CCNT1: variants seen among roughly 807,000 people sequenced by gnomAD.
CCNT1 encodes the protein cyclin T1.
CCNT1 carries 18 observed loss-of-function variants against 67.3 expected under a neutral mutation model. The observed-to-expected ratio is 0.27, with a 90% CI of 0.18 to 0.40. The LOEUF (loss-of-function observed/expected upper bound fraction) is 0.40. Ranked by LOEUF, CCNT1 falls within the 10% of genes least tolerant of loss-of-function variation. The pLI is 1.00. For missense variants in CCNT1, 744 were observed against 884.9 expected, an observed-to-expected ratio of 0.84 and a Z score of 2.02; for synonymous variants, 333 against 310.3, an observed-to-expected ratio of 1.07 and a Z score of -0.77.
Position 48,714,561 on chromosome 12 carries a change from T to A in CCNT1, c.162-37A>T, listed in dbSNP as rs754737958. ...AAGTTAAGATCCAAAAACAGGCAGG[T>A]ATAATTCTGGAAAAGATAACCTCTA... On this transcript the variant is annotated intron_variant, in intron 1 of 8. Transcript: ENST00000261900. The A allele has an allele frequency of 2.2e-5, 30 of 1,366,594 alleles. No homozygotes were observed. The African/African-American group carries it at 4.1e-4, about 19-fold the overall frequency. 84.7% of individuals were successfully genotyped at this position (1,366,594 alleles called of 1,614,324 possible). A position where few individuals can be genotyped will look rare whatever the true frequency, so the allele number is the denominator to read the frequency against.
chr12:48,716,119 T>C (rs1041841586), intron 1 of CCNT1, among the ~76,000 whole-genome samples: 1 of 152,206 alleles, frequency 6.6e-6, no homozygotes, highest in Non-Finnish European at 1.5e-5. Flanking sequence ...TTTCTCGAAA[T>C]TTACACACTA....
At chr12:48,696,510 T>C (rs1324925832) in intron 6 of CCNT1, among the ~76,000 whole-genome samples, 1 of 151,942 alleles carries the variant, frequency 6.6e-6, no homozygotes, top group Non-Finnish European at 1.5e-5. Flanking sequence ...AGCCTAGAAG[T>C]CAATATTTAT....
chr12:48,695,206 C>T (rs1017932972), intron 8 of CCNT1, among the ~76,000 whole-genome samples: 2 of 152,130 alleles, frequency 1.3e-5, no homozygotes, highest in African/African-American at 2.4e-5. Context: ...ATGAAATTAA[C>T]TTTTTCTGTC....
chr12:48,699,976 G>C (rs1231252225), intron 4 of CCNT1, 136 bp from the exon 5 acceptor site: 1 of 571,180 alleles, frequency 1.8e-6, no homozygotes, highest in Admixed American at 3.1e-5. Flanking sequence ...TATTCCACCA[G>C]AAAAACATCA....
At position 48,715,748 on chromosome 12, in the gene CCNT1, C is replaced by G. The variant is rs527810437; in HGVS notation, c.161+767G>C. Among the ~76,000 whole-genome samples the G allele has an allele frequency of 7.9e-5, 12 of 152,330 alleles. No homozygotes were observed. The South Asian group carries it at 2.5e-3, about 32-fold the overall frequency. Reference sequence around the variant, plus strand: ...AAAGTGCAGAGATTACAGGCGTGAGCCACCGCATCCAGCCGTTACCTCATT... The same window carrying G: ...AAAGTGCAGAGATTACAGGCGTGAGGCACCGCATCCAGCCGTTACCTCATT... On this transcript the variant is annotated intron_variant, in intron 1 of 8. Coordinates refer to ENST00000261900, the MANE Select transcript of CCNT1 (RefSeq NM_001240.4).
Position 48,698,140 on chromosome 12 carries a change from G to A in CCNT1, c.540C>T (p.Asn180=), listed in dbSNP as rs1207610048. ...GAAAAAAAAATTAAAATATAAACCT[G>A]TTGGTTGCCATGAAGTAAGAAGTCT... is the stretch of plus-strand genomic sequence containing the variant. The part of the protein sequence containing the change: ...LAQTSYFMAT[N]SLHLTTFSLQ... Residue 180 remains asparagine (N), a splice_region_variant and synonymous_variant, in exon 6 of 9, where the codon AAC becomes AAT. Transcript: ENST00000261900. The A allele has an allele frequency of 6.6e-7, 1 of 1,504,058 alleles. No homozygotes were observed. Among genetic ancestry groups the A allele is most frequent in the East Asian group, 2.5e-5 (1 of 39,308 alleles). 93.2% of individuals were successfully genotyped at this position (1,504,058 alleles called of 1,614,324 possible).
At chr12:48,711,073 TA>T (rs758713119) in intron 2 of CCNT1, among the ~76,000 whole-genome samples, 1 of 149,678 alleles carries the variant, frequency 6.7e-6, no homozygotes, top group South Asian at 2.1e-4. Flanking sequence ...CTCAAAAAAA[TA>T]AAAAAAGATA....
rs1284416847 is a variant in CCNT1 at position 48,693,493 on chromosome 12, C to T, written c.1721G>A (p.Arg574Lys). ...CCCTCCAGTCTCTTCAGAGGGTCCC[C>T]TTTTACGAGTAGAACTGGAAGAGGA... is the stretch of plus-strand genomic sequence containing the variant. ...SFSSSSSTRK[R>K]GPSEETGGAV... The change falls in exon 9 of 9, where the codon AGG (arginine) becomes AAG (lysine). Residue 574 changes from arginine (R) to lysine (K), a missense_variant. Arg to Lys is a conservative substitution (Grantham distance 26). Coordinates refer to ENST00000261900, the MANE Select transcript of CCNT1 (RefSeq NM_001240.4). The T allele has an allele frequency of 1.9e-6, 3 of 1,614,078 alleles. No homozygotes were observed. Among genetic ancestry groups the T allele is most frequent in the African/African-American group, 2.7e-5 (2 of 74,932 alleles).
rs1281111062 is a variant in CCNT1 at position 48,696,147 on chromosome 12, T to C, written c.558A>G (p.Thr186=). Residue 186 remains threonine (T), a synonymous_variant, in exon 7 of 9, where the codon ACA becomes ACG. Coordinates refer to ENST00000261900, the MANE Select transcript of CCNT1 (RefSeq NM_001240.4). ...CAGGAGGTGTGTACTGCAGGCTAAA[T>C]GTGGTCAAATGCAGGCTGACATCAG... ...FMATNSLHLT[T]FSLQYTPPVV... is the part of the protein sequence containing the mutation. 4 of 1,603,014 alleles carry C rather than the reference T, an allele frequency of 2.5e-6. No homozygotes were observed. The African/African-American group carries it at 5.6e-5, about 22-fold the overall frequency.
At position 48,694,244 on chromosome 12, in the gene CCNT1, T is replaced by A. The variant is rs757605829; in HGVS notation, c.970A>T (p.Thr324Ser). ...PVSEESSSNLTSVEMLPGKRW... is the reference protein window; with the variant it reads ...PVSEESSSNLSSVEMLPGKRW... ...TTGCCCGGCAACATCTCCACACTGG[T>A]TAAGTTGCTGGATGACTCTTCGGAG... Residue 324 changes from threonine to serine, a missense_variant, in exon 9 of 9, where the codon ACC (threonine) becomes TCC (serine). Coordinates refer to ENST00000261900, the MANE Select transcript of CCNT1 (RefSeq NM_001240.4). 11 of 1,614,186 alleles carry A rather than the reference T, an allele frequency of 6.8e-6. No individual in the cohort carries two copies. Among genetic ancestry groups the A allele is most frequent in the Non-Finnish European group, 8.5e-6 (10 of 1,180,028 alleles).
Position 48,691,344 on chromosome 12 carries a change from T to C in CCNT1, c.*1689A>G, listed in dbSNP as rs1592115841. ...CTCCCTATGACTTCCAAATGAAAAATAATTCGACCTCTCCCTAAAAAATCC... is the reference window on the plus strand; with the variant it reads ...CTCCCTATGACTTCCAAATGAAAAACAATTCGACCTCTCCCTAAAAAATCC... On this transcript the variant is annotated 3_prime_UTR_variant, in exon 9 of 9. Transcript: ENST00000261900. 6.6e-6 allele frequency: 1 copy of C among 152,180 alleles called. No homozygotes were observed. The highest frequency in any genetic ancestry group is 1.9e-4 in the East Asian group (1 of 5,184). The allele number at this position is 152,180 out of a possible 1,614,324, so 9.4% of individuals were successfully genotyped here. A position where few individuals can be genotyped will look rare whatever the true frequency, so the allele number is the denominator to read the frequency against.
chr12:48,715,591 G>A (rs1448008717), intron 1 of CCNT1, among the ~76,000 whole-genome samples: 1 of 151,874 alleles, frequency 6.6e-6, no homozygotes, highest in African/African-American at 2.4e-5. Flanking sequence ...CTCCTGACTA[G>A]CTGGGATTAC....
chr12:48,716,506 CA>C lies in CCNT1; in HGVS notation c.161+8del, dbSNP rs747275102. ...ACTCCAAGGCCGAAGGCCTAGGCCACAAGGATACACGTTAAGACGCTGCCCC... is the reference window on the plus strand; with the variant it reads ...ACTCCAAGGCCGAAGGCCTAGGCCACAGGATACACGTTAAGACGCTGCCCC... On this transcript the variant is annotated splice_region_variant and intron_variant, in intron 1 of 8. Transcript: ENST00000261900. The C allele has an allele frequency of 6.2e-7, 1 of 1,610,192 alleles. No homozygotes were observed. Among genetic ancestry groups the C allele is most frequent in the African/African-American group, 1.3e-5 (1 of 74,868 alleles).
At chr12:48,694,718 GATT>G (rs1484603548) in intron 8 of CCNT1, among the ~76,000 whole-genome samples, 1 of 152,224 alleles carries the variant, frequency 6.6e-6, no homozygotes, top group Non-Finnish European at 1.5e-5. Context: ...CTTCGCTTAT[GATT>G]ATAGTTAGTC....
rs751161192 is a variant in CCNT1 at position 48,693,559 on chromosome 12, C to T, written c.1655G>A (p.Ser552Asn). The change falls in exon 9 of 9, where the codon AGC becomes AAC. Residue 552 changes from serine to asparagine, a missense_variant. Physicochemically the swap from Ser to Asn is conservative, Grantham distance 46. This residue lies in a region of CCNT1 where 564 missense variants were observed against 574.2 expected (regional missense o/e 0.98). Coordinates refer to ENST00000261900, the MANE Select transcript of CCNT1 (RefSeq NM_001240.4). ...GCTATAGGTTTTATGTGCTAAGTTG[C>T]TTGTCTGGCTACTATGTTTTGGATC... The part of the protein sequence containing the change: ...PGDPKHSSQT[S>N]NLAHKTYSLS... The T allele has an allele frequency of 5.0e-6, 8 of 1,614,090 alleles. No individual in the cohort carries two copies. In the Admixed American group the frequency reaches 1.3e-4, roughly 27 times the overall value.
chr12:48,703,715 A>G (rs960230523), intron 3 of CCNT1, among the ~76,000 whole-genome samples: 11 of 152,104 alleles, frequency 7.2e-5, no homozygotes, highest in African/African-American at 2.7e-4. Context: ...TGGGCGAATT[A>G]CTTGAGCTCA....
Position 48,716,531 on chromosome 12 carries a change from C to T in CCNT1, c.145G>A (p.Gly49Arg). The change falls in exon 1 of 9, where the codon GGG becomes AGG. Residue 49 changes from glycine (G) to arginine (R), a missense_variant. Physicochemically the swap from Gly to Arg is moderately radical, Grantham distance 125 (BLOSUM62 -2). Transcript: ENST00000261900. ...CAAGGATACACGTTAAGACGCTGCC[C>T]CATGTCCTGAAGCAGATTGGCCGCC... ...QQAANLLQDM[G>R]QRLNVSQLTI... is the part of the protein sequence containing the mutation. 1 of 1,613,862 alleles carries T rather than the reference C, an allele frequency of 6.2e-7. No individual in the cohort carries two copies. The highest frequency in any genetic ancestry group is 8.5e-7 in the Non-Finnish European group (1 of 1,179,808).
Position 48,693,845 on chromosome 12 carries a change from T to G in CCNT1, c.1369A>C (p.Lys457Gln), listed in dbSNP as rs1336962902. The change falls in exon 9 of 9, where the codon AAA (lysine) becomes CAA (glutamine). Residue 457 changes from lysine (K) to glutamine (Q), a missense_variant. Physicochemically the swap from Lys to Gln is moderately conservative, Grantham distance 53 (BLOSUM62 1). Transcript: ENST00000261900. ...GGGATTCTCATTTTGAGAGCTGTTT[T>G]GTCAGCCTTTTCCAGAAAAGGCCGC... ...PERPFLEKADKTALKMRIPVA... is the reference protein window; with the variant it reads ...PERPFLEKADQTALKMRIPVA... 1 of 1,614,172 alleles carries G rather than the reference T, an allele frequency of 6.2e-7. No homozygotes were observed. The highest frequency in any genetic ancestry group is 8.5e-7 in the Non-Finnish European group (1 of 1,180,006).
chr12:48,698,775 T>C (rs1940220613), intron 5 of CCNT1, among the ~76,000 whole-genome samples: 1 of 152,026 alleles, frequency 6.6e-6, no homozygotes, highest in African/African-American at 2.4e-5. Context: ...CTGACCAACA[T>C]GGAGAAACCC....
Sources: allele counts gnomAD v4.1 joint callset (sites outside exome capture counted in the v4.1 genomes callset), GRCh38; gene constraint gnomAD v4.1.1; regional missense constraint gnomAD v4.1.1; transcripts MANE v1.5; gene names NCBI Gene and HGNC (gene_info 2026-07-23, HGNC 2026-07-21).